The following RAB31 variants were observed in gnomAD, a reference collection of about 807,000 sequenced individuals.
RAB31 encodes RAB31, member RAS oncogene family.
RAB31 carries 21 observed loss-of-function variants against 25.6 expected under a neutral mutation model. That is an observed-to-expected ratio of 0.82 (90% CI 0.58 to 1.18). The LOEUF (loss-of-function observed/expected upper bound fraction) is 1.18. RAB31 is among the 50% of genes most tolerant of loss of function. RAB31 has a pLI of 0.00. For synonymous variants in RAB31, 87 were observed against 84.0 expected, an observed-to-expected ratio of 1.04 and a Z score of -0.20; for missense variants, 196 against 250.1, an observed-to-expected ratio of 0.78 and a Z score of 1.46.
At chr18:9,848,797 CG>C in intron 6 of RAB31, among the ~76,000 whole-genome samples, 6 of 152,288 alleles carry the variant, frequency 3.9e-5, no homozygotes, top group Admixed American at 3.9e-4. Flanking sequence ...CACATTGACT[CG>C]GATGAAGAGA....
At chr18:9,756,196 C>G (rs2068259674) in intron 1 of RAB31, among the ~76,000 whole-genome samples, 1 of 152,190 alleles carries the variant, frequency 6.6e-6, no homozygotes, top group Non-Finnish European at 1.5e-5. Flanking sequence ...CTTCCACATT[C>G]CTTTCCTCAT....
At chr18:9,858,855 C>T (rs1350360568) in intron 6 of RAB31, among the ~76,000 whole-genome samples, 1 of 152,190 alleles carries the variant, frequency 6.6e-6, no homozygotes, top group Non-Finnish European at 1.5e-5. Flanking sequence ...GAAAGCCGCT[C>T]ATTAAACCAG....
intron 5 of RAB31, among the ~76,000 whole-genome samples, chr18:9,838,811 C>T (rs1209292114): frequency 6.6e-6 from 1 of 152,150 alleles, no homozygotes. Context: ...GGCTCCCTTT[C>T]ATGTTTTTAC....
intron 1 of RAB31, among the ~76,000 whole-genome samples, chr18:9,730,291 T>A (rs908024063): frequency 6.7e-6 from 1 of 150,274 alleles, no homozygotes; most frequent in South Asian, 2.1e-4. Context: ...ACCTTATCTT[T>A]TTTTTTTTTT....
intron 3 of RAB31, among the ~76,000 whole-genome samples, chr18:9,805,698 C>T (rs965881409): frequency 1.3e-5 from 2 of 152,176 alleles, no homozygotes; most frequent in African/African-American, 4.8e-5. Flanking sequence ...ACAGTGCCTG[C>T]CACATACTGA....
chr18:9,835,463 C>G (rs932355236), intron 5 of RAB31, among the ~76,000 whole-genome samples: 4 of 152,198 alleles, frequency 2.6e-5, no homozygotes, highest in African/African-American at 9.7e-5. Context: ...TGTTGGATTC[C>G]AAATTCTGAT....
chr18:9,794,024 C>T (rs2068474632), intron 3 of RAB31, among the ~76,000 whole-genome samples: 1 of 152,184 alleles, frequency 6.6e-6, no homozygotes, highest in Non-Finnish European at 1.5e-5. Context: ...TCCCGAGTAG[C>T]AGGGACCACA....
At chr18:9,779,469 A>G (rs1599035162) in intron 2 of RAB31, among the ~76,000 whole-genome samples, 4 of 152,348 alleles carry the variant, frequency 2.6e-5, no homozygotes, top group Admixed American at 2.6e-4. Flanking sequence ...CACAACATAC[A>G]TTCCCAGTCC....
chr18:9,859,177 A>C, intron 6 of RAB31, 51 bp from the exon 7 acceptor site: 1 of 1,439,204 alleles, frequency 6.9e-7, no homozygotes, highest in Non-Finnish European at 9.8e-7. Flanking sequence ...CTGTGTGTGC[A>C]GTGTTGGCTG....
chr18:9,792,642 T>A (rs2068466868), intron 3 of RAB31, among the ~76,000 whole-genome samples: 1 of 152,200 alleles, frequency 6.6e-6, no homozygotes, highest in Non-Finnish European at 1.5e-5. Flanking sequence ...CATGCACCTC[T>A]TCTGCAAGTG....
At chr18:9,779,028 A>T (rs2068388673) in intron 2 of RAB31, among the ~76,000 whole-genome samples, 1 of 152,168 alleles carries the variant, frequency 6.6e-6, no homozygotes, top group South Asian at 2.1e-4. Context: ...CACATTGAGT[A>T]GGCTGAGGAG....
chr18:9,708,581 C>T lies in RAB31; in HGVS notation c.39+137C>T. 2 of 761,698 alleles carry T rather than the reference C, an allele frequency of 2.6e-6. No homozygotes were observed. The allele number at this position is 761,698 out of a possible 1,614,324, so 47.2% of individuals were successfully genotyped here. A position where few individuals can be genotyped will look rare whatever the true frequency, so the allele number is the denominator to read the frequency against. ...TCTCGTAGCCCCCGTCCCCCTCGTC[C>T]GCGCGCCCCCTGGTTCCCCGGGTCC... is the stretch of plus-strand genomic sequence containing the variant. On this transcript the variant is annotated intron_variant, in intron 1 of 6. Coordinates refer to ENST00000578921, the MANE Select transcript of RAB31 (RefSeq NM_006868.4). The surrounding 1 kb of genome is among the most constrained non-coding windows in gnomAD (Gnocchi z 6.4).
At chr18:9,808,531 C>G (rs186366192) in intron 3 of RAB31, among the ~76,000 whole-genome samples, 28 of 152,346 alleles carry the variant, frequency 1.8e-4, no homozygotes, top group Non-Finnish European at 3.7e-4. Context: ...AAAGAACATT[C>G]AGTAATGTGT....
chr18:9,827,697 A>G (rs934549987), intron 5 of RAB31, among the ~76,000 whole-genome samples: 9 of 152,182 alleles, frequency 5.9e-5, no homozygotes, highest in African/African-American at 2.2e-4. Context: ...AAGGGCATCT[A>G]GTGTTAGAAG....
chr18:9,783,925 G>A (rs138235678), intron 2 of RAB31, among the ~76,000 whole-genome samples: 3 of 152,266 alleles, frequency 2.0e-5, no homozygotes, highest in African/African-American at 7.2e-5. Flanking sequence ...TGAGGAAAAG[G>A]CCATCTCATA....
rs1047564400 is a variant in RAB31, at chr18:9,861,225, A to G, written c.*1900A>G. On this transcript the variant is annotated 3_prime_UTR_variant, in exon 7 of 7. Coordinates refer to ENST00000578921, the MANE Select transcript of RAB31 (RefSeq NM_006868.4). ...TGAGAACCTGGGTTTATCTCTAGAT[A>G]GCTGTTCAGGTTTTTTAGCTGAGGG... 5.9e-5 allele frequency: 9 copies of G among 152,026 alleles called. No homozygotes were observed. Among genetic ancestry groups the G allele is most frequent in the African/African-American group, 1.9e-4 (8 of 41,376 alleles). 9.4% of individuals were successfully genotyped at this position (152,026 alleles called of 1,614,324 possible).
intron 3 of RAB31, chr18:9,797,623 T>C (rs368405130): frequency 4.1e-4 from 62 of 152,350 alleles, no homozygotes; most frequent in African/African-American, 1.3e-3. Context: ...AGTTTTATTT[T>C]GATTGAAAAA....
At chr18:9,752,047 C>T (rs1385545750) in intron 1 of RAB31, among the ~76,000 whole-genome samples, 1 of 152,170 alleles carries the variant, frequency 6.6e-6, no homozygotes, top group Non-Finnish European at 1.5e-5. Flanking sequence ...CCAGCTTCCT[C>T]TCGCCTTGCT....
chr18:9,835,013 G>A (rs758829175), intron 5 of RAB31, among the ~76,000 whole-genome samples: 1 of 152,206 alleles, frequency 6.6e-6, no homozygotes, highest in Admixed American at 6.5e-5. Flanking sequence ...CCCTAACTGA[G>A]TGCCTACTGT....
Sources: gnomAD v4.1 joint callset for allele counts (sites outside exome capture counted in the v4.1 genomes callset) on GRCh38, gnomAD v4.1.1 for gene constraint, Gnocchi (gnomAD v3.1) non-coding constraint, MANE v1.5 for transcripts, NCBI Gene and HGNC (gene_info 2026-07-23, HGNC 2026-07-21) for gene names.